Variants in KIF16B observed in about 807,000 individuals in gnomAD.
KIF16B encodes kinesin-like protein KIF16B.
In KIF16B, 98 loss-of-function variants were observed where a neutral mutation model predicts 156.3. That is an observed-to-expected ratio of 0.63 (90% CI 0.53 to 0.74). KIF16B has a LOEUF of 0.74. Among genes scored for constraint, KIF16B ranks in the 30% least tolerant of loss-of-function variants. KIF16B has a pLI of 0.00. For synonymous variants in KIF16B, 564 were observed against 583.7 expected, an observed-to-expected ratio of 0.97 and a Z score of 0.49; for missense variants, 1,421 against 1,606.5, an observed-to-expected ratio of 0.88 and a Z score of 1.97.
At chr20:16,448,948 A>C (rs1600424819) in intron 12 of KIF16B, among the ~76,000 whole-genome samples, 1 of 152,040 alleles carries the variant, frequency 6.6e-6, no homozygotes, top group African/African-American at 2.4e-5. Context: ...ATTAGATTCT[A>C]TATTAGAAGG....
intron 12 of KIF16B, among the ~76,000 whole-genome samples, chr20:16,493,752 G>C (rs192629299): frequency 1.3e-5 from 2 of 152,160 alleles, no homozygotes; most frequent in Admixed American, 6.5e-5. Flanking sequence ...GGAGGCTACT[G>C]CTGACATCTT....
chr20:16,566,608 G>T (rs891870428), intron 1 of KIF16B, among the ~76,000 whole-genome samples: 9 of 152,288 alleles, frequency 5.9e-5, no homozygotes, highest in African/African-American at 2.2e-4. Context: ...CACGAGGTGG[G>T]TCCTATGGAG....
chr20:16,475,701 G>C (rs1336744106), intron 12 of KIF16B, among the ~76,000 whole-genome samples: 1 of 152,108 alleles, frequency 6.6e-6, no homozygotes, highest in Non-Finnish European at 1.5e-5. Flanking sequence ...AAAATGAGAG[G>C]TAAAAGAAGA....
rs1269503508 is a variant in KIF16B, at chr20:16,272,977, C to T, written c.*276G>A. The stretch of plus-strand genomic sequence containing the variant: ...ATCTTGCCACAGGGGACGAACTTTG[C>T]TGCGCAGTGAGAAGGAAGCACTGTG... On this transcript the variant is annotated 3_prime_UTR_variant, in exon 26 of 26. Coordinates refer to ENST00000354981, the MANE Select transcript of KIF16B (RefSeq NM_024704.5). 1 of 352,990 alleles carries T rather than the reference C, an allele frequency of 2.8e-6. No homozygotes were observed. The highest frequency in any genetic ancestry group is 5.2e-6 in the Non-Finnish European group (1 of 191,198). The allele number at this position is 352,990 out of a possible 1,614,324, so 21.9% of individuals were successfully genotyped here. A position where few individuals can be genotyped will look rare whatever the true frequency, so the allele number is the denominator to read the frequency against.
intron 23 of KIF16B, among the ~76,000 whole-genome samples, chr20:16,342,263 T>G (rs566057784): frequency 6.6e-6 from 1 of 152,038 alleles, no homozygotes; most frequent in South Asian, 2.1e-4. Flanking sequence ...CTTAGGAGAT[T>G]TTAAGCCTTC....
At chr20:16,498,993 GC>G (rs1210828790) in intron 10 of KIF16B, among the ~76,000 whole-genome samples, 1 of 152,048 alleles carries the variant, frequency 6.6e-6, no homozygotes, top group East Asian at 1.9e-4. Flanking sequence ...CGAAAGCAGA[GC>G]TGGCCAGAAA....
At position 16,380,124 on chromosome 20, in the gene KIF16B, G is replaced by T. The variant is rs755287642; in HGVS notation, c.1878C>A (p.Asp626Glu). The T allele has an allele frequency of 5.8e-5, 88 of 1,515,102 alleles. 1 individual carries two copies. Among genetic ancestry groups the T allele is most frequent in the Non-Finnish European group, 7.3e-5 (83 of 1,135,974 alleles). The allele number at this position is 1,515,102 out of a possible 1,614,324, so 93.9% of individuals were successfully genotyped here. A position where few individuals can be genotyped will look rare whatever the true frequency, so the allele number is the denominator to read the frequency against. ...GCTGCATCCGCTCCAGTTCAGCCTTGTCTGATTTCTGCTTTTCCTCCATTT... is the reference window on the plus strand; with the variant it reads ...GCTGCATCCGCTCCAGTTCAGCCTTTTCTGATTTCTGCTTTTCCTCCATTT... The part of the protein sequence containing the change: ...IEEMEEKQKS[D>E]KAELERMQQE... Residue 626 changes from aspartate (D) to glutamate (E), a missense_variant, in exon 19 of 26, where the codon GAC becomes GAA. Asp to Glu is a conservative substitution (Grantham distance 45). Coordinates refer to ENST00000354981, the MANE Select transcript of KIF16B (RefSeq NM_024704.5).
At chr20:16,470,666 T>TC (rs1401440762) in intron 12 of KIF16B, among the ~76,000 whole-genome samples, 2 of 151,052 alleles carry the variant, frequency 1.3e-5, no homozygotes, top group African/African-American at 4.8e-5. Context: ...TTTTTCTTTT[T>TC]TTTTTTTTTT....
intron 11 of KIF16B, among the ~76,000 whole-genome samples, chr20:16,495,777 C>T (rs1339053029): frequency 6.6e-6 from 1 of 152,088 alleles, no homozygotes; most frequent in African/African-American, 2.4e-5. Context: ...ATAGCCTCTA[C>T]CTCCCAGAGT....
intron 3 of KIF16B, among the ~76,000 whole-genome samples, chr20:16,516,651 C>T (rs1308998752): frequency 3.9e-5 from 6 of 152,146 alleles, no homozygotes; most frequent in Admixed American, 6.6e-5. Flanking sequence ...CAGGAGCATT[C>T]GGTCTATGAG....
At chr20:16,384,981 G>A (rs1191666211) in intron 17 of KIF16B, among the ~76,000 whole-genome samples, 1 of 152,094 alleles carries the variant, frequency 6.6e-6, no homozygotes, top group African/African-American at 2.4e-5. Flanking sequence ...CGGATCACCT[G>A]AAGTCAGAAG....
At chr20:16,429,089 A>G (rs2066432776) in intron 13 of KIF16B, 85 bp from the exon 14 acceptor site, 1 of 1,091,926 alleles carries the variant, frequency 9.2e-7, no homozygotes, top group South Asian at 1.3e-5. Context: ...CCCAAACAAC[A>G]TAGTGGCCAA....
chr20:16,276,707 G>A (rs2063066813), intron 25 of KIF16B, among the ~76,000 whole-genome samples: 1 of 152,096 alleles, frequency 6.6e-6, no homozygotes, highest in Admixed American at 6.5e-5. Flanking sequence ...ACAAGGGACT[G>A]GGGCTACAGC....
At chr20:16,443,899 G>A (rs1441436677) in intron 12 of KIF16B, among the ~76,000 whole-genome samples, 3 of 152,220 alleles carry the variant, frequency 2.0e-5, no homozygotes, top group Non-Finnish European at 4.4e-5. Context: ...GAAATGTGAA[G>A]TTCAAGATAC....
intron 22 of KIF16B, chr20:16,367,361 A>C: frequency 6.2e-7 from 1 of 1,612,878 alleles, no homozygotes; most frequent in Non-Finnish European, 8.5e-7. Flanking sequence ...TCTACTGTTG[A>C]CACATTTTTC....
chr20:16,296,937 A>G lies in KIF16B; in HGVS notation c.3795+15398T>C, dbSNP rs147407380. ...CCTCATCCAATCAGGTGAAGGCCTG[A>G]ACAGAACAAACTCCAGAGAGTAAGA... On this transcript the variant is annotated intron_variant, in intron 25 of 25. Transcript: ENST00000354981. Among the ~76,000 whole-genome samples, 388 of 152,334 alleles carry G rather than the reference A, an allele frequency of 2.5e-3. 4 individuals carry two copies. In the East Asian group the frequency reaches 0.03, roughly 12 times the overall value.
intron 25 of KIF16B, among the ~76,000 whole-genome samples, chr20:16,308,869 G>C (rs1473417866): frequency 6.6e-6 from 1 of 152,206 alleles, no homozygotes; most frequent in African/African-American, 2.4e-5. Flanking sequence ...ACACATCAGA[G>C]ACTGGGTACA....
intron 15 of KIF16B, among the ~76,000 whole-genome samples, chr20:16,421,649 T>A (rs1600352935): frequency 6.6e-6 from 1 of 152,174 alleles, no homozygotes; most frequent in South Asian, 2.1e-4. Flanking sequence ...GTATGTGTAA[T>A]TAAAAGAAAA....
intron 3 of KIF16B, among the ~76,000 whole-genome samples, chr20:16,516,720 G>C (rs944131225): frequency 3.3e-5 from 5 of 152,184 alleles, no homozygotes; most frequent in Admixed American, 1.3e-4. Context: ...GTCATCTCCA[G>C]CTACTGCCAA....
Sources: allele counts gnomAD v4.1 joint callset (sites outside exome capture counted in the v4.1 genomes callset), GRCh38; gene constraint gnomAD v4.1.1; transcripts MANE v1.5; gene names NCBI Gene and HGNC (gene_info 2026-07-23, HGNC 2026-07-21).